The following USH1C variants were observed in gnomAD, a reference collection of about 807,000 sequenced individuals.
USH1C encodes harmonin.
Under a neutral mutation model 119.3 loss-of-function variants are expected in USH1C, and 90 were observed. That is an observed-to-expected ratio of 0.75 (90% CI 0.64 to 0.90). The LOEUF is 0.90. Among genes scored for constraint, USH1C ranks in the 40% least tolerant of loss-of-function variants. The pLI, the probability that USH1C is intolerant of heterozygous loss-of-function variation, is 0.00. For synonymous variants in USH1C, 465 were observed against 443.3 expected (o/e 1.05, Z -0.62); for missense variants, 1,165 against 1,167.7 (o/e 1.00, Z 0.03).
Position 17,526,503 on chromosome 11 carries a change from C to T in USH1C, c.580-62G>A, listed in dbSNP as rs1174349539. On this transcript the variant is annotated intron_variant, in intron 7 of 26. Coordinates refer to ENST00000005226, the MANE Select transcript of USH1C (RefSeq NM_153676.4). ...ACATGCGTGCAAGCGGCCTCTTGAGCTTGTGGGATCTGCAGGGCGAGCACT... is the reference window on the plus strand; with the variant it reads ...ACATGCGTGCAAGCGGCCTCTTGAGTTTGTGGGATCTGCAGGGCGAGCACT... 2.8e-6 allele frequency: 4 copies of T among 1,448,406 alleles called. No individual in the cohort carries two copies. In the African/African-American group the frequency reaches 5.6e-5, roughly 20 times the overall value. 89.7% of individuals were successfully genotyped at this position (1,448,406 alleles called of 1,614,324 possible).
At chr11:17,530,751 C>T (rs1850928068) in intron 4 of USH1C, among the ~76,000 whole-genome samples, 1 of 152,250 alleles carries the variant, frequency 6.6e-6, no homozygotes, top group Non-Finnish European at 1.5e-5. Context: ...CCGGCTAACC[C>T]TGCTTCAGAG....
chr11:17,511,929 C>T lies in USH1C; in HGVS notation c.1386G>A (p.Gln462=), dbSNP rs141564204. ...CCTGGGCCAGCCGGTTGATCTTTAG[C>T]TGCTTTTCCTTCTCCAGCATTTCCT... ...EKEEMLEKEK[Q]LKINRLAQEV... Residue 462 remains glutamine (Q), a synonymous_variant, in exon 16 of 27, where the codon CAG becomes CAA. Coordinates refer to ENST00000005226, the MANE Select transcript of USH1C (RefSeq NM_153676.4). 4.0e-4 allele frequency: 649 copies of T among 1,613,902 alleles called. 1 individual carries two copies. Among genetic ancestry groups the T allele is most frequent in the Non-Finnish European group, 5.4e-4 (642 of 1,179,998 alleles).
chr11:17,508,986 A>G (rs2133815298), intron 18 of USH1C, among the ~76,000 whole-genome samples: 1 of 152,320 alleles, frequency 6.6e-6, no homozygotes, highest in Non-Finnish European at 1.5e-5. Flanking sequence ...GGATAATATC[A>G]GGAAGTGACT....
intron 6 of USH1C, 85 bp downstream of exon 6, chr11:17,526,931 G>A: frequency 6.4e-7 from 1 of 1,569,822 alleles, no homozygotes; most frequent in African/African-American, 1.3e-5. Flanking sequence ...AAGCAGGGCT[G>A]GCATGGTGGG....
At chr11:17,509,863 G>C (rs775309164) in intron 17 of USH1C, 25 bp from the exon 18 acceptor site, 25 of 1,582,708 alleles carry the variant, frequency 1.6e-5, no homozygotes, top group Non-Finnish European at 2.1e-5. Flanking sequence ...AGGAAGTTCT[G>C]TAATTGTCAC....
rs1405284596 is a variant in USH1C at position 17,494,382 on chromosome 11, G to C, written c.2656-6C>G. ...TTGGACTTCAGAAGAAGGTCCTGCA[G>C]GGAAGTGGAAACAGCCCAGGTGGAT... On this transcript the variant is annotated splice_polypyrimidine_tract_variant and splice_region_variant and intron_variant, in intron 26 of 26. Coordinates refer to ENST00000005226, the MANE Select transcript of USH1C (RefSeq NM_153676.4). 2 of 1,595,754 alleles carry C rather than the reference G, an allele frequency of 1.3e-6. No homozygotes were observed. The highest frequency in any genetic ancestry group is 4.5e-5 in the East Asian group (2 of 44,158).
intron 25 of USH1C, among the ~76,000 whole-genome samples, chr11:17,495,928 G>T (rs998760096): frequency 2.0e-5 from 3 of 152,038 alleles, no homozygotes; most frequent in Non-Finnish European, 4.4e-5. Flanking sequence ...GTGAGTGGTG[G>T]GTGGGTGAGG....
rs2072225 is a variant in USH1C, at chr11:17,494,423, G to A, written c.2656-47C>T. ...CCAGGTGGATACAGGCTTTGTGGGT[G>A]CACACTCAGCCCAGCCAGAGCAAGG... On this transcript the variant is annotated intron_variant, in intron 26 of 26. Coordinates refer to ENST00000005226, the MANE Select transcript of USH1C (RefSeq NM_153676.4). 643,251 of 1,562,516 alleles carry A rather than the reference G, an allele frequency of 0.41. 134,592 individuals carry two copies. The highest frequency in any genetic ancestry group is 0.43 in the Non-Finnish European group (500,380 of 1,151,230).
intron 14 of USH1C, chr11:17,517,426 C>T: frequency 6.3e-7 from 1 of 1,594,326 alleles, no homozygotes; most frequent in Non-Finnish European, 8.5e-7. Flanking sequence ...CTCCGTGCCT[C>T]CATCCAGGTC....
At position 17,495,613 on chromosome 11, in the gene USH1C, C is replaced by T. The variant is rs56165709; in HGVS notation, c.2611G>A (p.Ala871Thr). 5.3e-3 allele frequency: 8,539 copies of T among 1,614,210 alleles called. 21 individuals are homozygous for T. The highest frequency in any genetic ancestry group is 6.6e-3 in the Non-Finnish European group (7,805 of 1,180,036). Residue 871 changes from alanine to threonine, a missense_variant, in exon 26 of 27, where the codon GCT (alanine) becomes ACT (threonine). Physicochemically the swap from Ala to Thr is moderately conservative, Grantham distance 58. Coordinates refer to ENST00000005226, the MANE Select transcript of USH1C (RefSeq NM_153676.4). ...QPVRKLLEDR[A>T]AVHRHGFLLQ... Reference sequence around the variant, plus strand: ...AGGAACCCGTGTCTGTGCACGGCAGCACGGTCTTCAAGGAGCTTTCGGACC... The same window carrying T: ...AGGAACCCGTGTCTGTGCACGGCAGTACGGTCTTCAAGGAGCTTTCGGACC...
chr11:17,508,916 C>A (rs1006099), intron 18 of USH1C, among the ~76,000 whole-genome samples: 43,303 of 152,024 alleles, frequency 0.28, 6,995 homozygotes, highest in African/African-American at 0.44. Context: ...CCTGCTTCCT[C>A]CTCCCCTCCC....
At chr11:17,503,894 A>G (rs1849538849) in intron 20 of USH1C, among the ~76,000 whole-genome samples, 1 of 152,202 alleles carries the variant, frequency 6.6e-6, no homozygotes, top group Admixed American at 6.5e-5. Flanking sequence ...CCTATGTCTC[A>G]CTGCACAGTT....
In USH1C at chr11:17,522,895, C is replaced by T. The variant is rs397517884; in HGVS notation, c.908G>A (p.Arg303Gln). The T allele has an allele frequency of 1.6e-5, 26 of 1,612,658 alleles. No individual in the cohort carries two copies. The highest frequency in any genetic ancestry group is 1.7e-4 in the Middle Eastern group (1 of 6,046). The change falls in exon 12 of 27, where the codon CGG becomes CAG. Residue 303 changes from arginine to glutamine, a missense_variant. Transcript: ENST00000005226. Reference sequence around the variant, plus strand: ...CTCACGCTGCCGCGCCTCTGCCAGCCGCTCCCGGTCTGTCATGAACAGCTC... The same window carrying T: ...CTCACGCTGCCGCGCCTCTGCCAGCTGCTCCCGGTCTGTCATGAACAGCTC... ...GRELFMTDRERLAEARQRELQ... is the reference protein window; with the variant it reads ...GRELFMTDREQLAEARQRELQ...
intron 15 of USH1C, 85 bp downstream of exon 15, chr11:17,516,156 T>C: frequency 6.9e-7 from 1 of 1,455,926 alleles, no homozygotes. Context: ...CCATTTAGTG[T>C]TGATAGGACA....
At position 17,524,431 on chromosome 11, in the gene USH1C, G is replaced by A. The variant is rs200769484; in HGVS notation, c.759+20C>T. ...CAATTTCCAGTGGGCCCCCACTGGG[G>A]CCGGCCCAGCGTCACTCACCTCCAA... On this transcript the variant is annotated intron_variant, in intron 9 of 26. Coordinates refer to ENST00000005226, the MANE Select transcript of USH1C (RefSeq NM_153676.4). The A allele has an allele frequency of 3.5e-3, 5,526 of 1,561,374 alleles. 18 individuals carry two copies. Among genetic ancestry groups the A allele is most frequent in the Non-Finnish European group, 4.0e-3 (4,579 of 1,151,740 alleles).
chr11:17,520,834 T>C (rs1187549471), intron 14 of USH1C, 36 bp downstream of exon 14: 2 of 1,613,668 alleles, frequency 1.2e-6, no homozygotes, highest in Admixed American at 1.7e-5. Flanking sequence ...TTCTGACTAG[T>C]TCCCTTAGCC....
intron 8 of USH1C, among the ~76,000 whole-genome samples, chr11:17,525,722 G>A (rs1850638324): frequency 6.6e-6 from 1 of 152,238 alleles, no homozygotes; most frequent in Non-Finnish European, 1.5e-5. Flanking sequence ...TAAGTGACAA[G>A]AGAGCTGTGA....
intron 8 of USH1C, among the ~76,000 whole-genome samples, chr11:17,524,782 T>C (rs1850583459): frequency 6.6e-6 from 1 of 152,198 alleles, no homozygotes; most frequent in Admixed American, 6.5e-5. Context: ...TTCTAGCACT[T>C]TCCTGTCCAT....
intron 8 of USH1C, 101 bp from the exon 9 acceptor site, chr11:17,524,636 C>T: frequency 1.5e-6 from 2 of 1,292,304 alleles, no homozygotes; most frequent in South Asian, 1.3e-5. Context: ...CCCTTGACTG[C>T]CTACCTCTTC....
Sources: gnomAD v4.1 joint callset for allele counts (sites outside exome capture counted in the v4.1 genomes callset) on GRCh38, gnomAD v4.1.1 for gene constraint, MANE v1.5 for transcripts, NCBI Gene and HGNC (gene_info 2026-07-23, HGNC 2026-07-21) for gene names.